Variants in CLYBL observed in about 807,000 individuals in gnomAD.
CLYBL encodes the protein citramalyl-CoA lyase, mitochondrial.
CLYBL carries 31 observed loss-of-function variants against 38.9 expected under a neutral mutation model. That is an observed-to-expected ratio of 0.80 (90% CI 0.60 to 1.08). The LOEUF is 1.08. CLYBL is among the 50% of genes least tolerant of loss of function. The pLI is 0.00. For synonymous variants in CLYBL, 171 were observed against 158.6 expected (o/e 1.08, Z -0.59); for missense variants, 434 against 411.6 (o/e 1.05, Z -0.47).
At chr13:99,820,113 G>C (rs919930294) in intron 2 of CLYBL, among the ~76,000 whole-genome samples, 20 of 152,190 alleles carry the variant, frequency 1.3e-4, no homozygotes, top group African/African-American at 4.3e-4. Flanking sequence ...CATCTATGCT[G>C]TGTCTCGCGG....
At chr13:99,706,087 A>G (rs1215893935) in intron 1 of CLYBL, among the ~76,000 whole-genome samples, 1 of 151,996 alleles carries the variant, frequency 6.6e-6, no homozygotes, top group African/African-American at 2.4e-5. Flanking sequence ...TCGTGCCGTC[A>G]TGCCCCGCCA....
Position 99,680,989 on chromosome 13 carries a change from A to G in CLYBL, c.62+74232A>G, listed in dbSNP as rs183938814. On this transcript the variant is annotated intron_variant, in intron 1 of 8. Coordinates refer to ENST00000339105, the MANE Select transcript of CLYBL (RefSeq NM_206808.5). ...AAAAAGATAATTTGAGTTGTCCTAT[A>G]AATTAAAATTTTTCCTTTGTGATTA... is the stretch of plus-strand genomic sequence containing the variant. Among the ~76,000 whole-genome samples, 325 of 152,326 alleles carry G rather than the reference A, an allele frequency of 2.1e-3. 2 individuals carry two copies. The highest frequency in any genetic ancestry group is 7.2e-3 in the African/African-American group (300 of 41,568).
intron 1 of CLYBL, among the ~76,000 whole-genome samples, chr13:99,693,464 C>A (rs1170922815): frequency 1.3e-5 from 2 of 152,164 alleles, no homozygotes; most frequent in African/African-American, 4.8e-5. Flanking sequence ...ATCCATCAAG[C>A]CTTCCAGCTG....
intron 1 of CLYBL, among the ~76,000 whole-genome samples, chr13:99,717,318 C>T (rs989200624): frequency 1.3e-4 from 19 of 148,790 alleles, no homozygotes; most frequent in African/African-American, 3.0e-4. Flanking sequence ...TCCAGCTACT[C>T]GGGAGGCTGA....
At chr13:99,760,991 C>A (rs1245491417) in intron 1 of CLYBL, among the ~76,000 whole-genome samples, 2 of 152,024 alleles carry the variant, frequency 1.3e-5, no homozygotes, top group Non-Finnish European at 2.9e-5. Flanking sequence ...ATATTTATAC[C>A]CATAATCAAC....
intron 2 of CLYBL, among the ~76,000 whole-genome samples, chr13:99,816,826 T>C (rs1244108697): frequency 1.3e-5 from 2 of 152,194 alleles, no homozygotes; most frequent in Admixed American, 6.5e-5. Flanking sequence ...TATTTTGTTA[T>C]AGAAGCCCAC....
At chr13:99,835,594 C>T (rs577498942) in intron 2 of CLYBL, among the ~76,000 whole-genome samples, 2 of 152,230 alleles carry the variant, frequency 1.3e-5, no homozygotes, top group South Asian at 4.1e-4. Flanking sequence ...AGAATGGTTG[C>T]TGTGAGCCAT....
At position 99,865,080 on chromosome 13, in the gene CLYBL, G is replaced by C; in HGVS notation, c.634+169G>C. The C allele has an allele frequency of 1.5e-6, 1 of 667,232 alleles. No individual in the cohort carries two copies. The highest frequency in any genetic ancestry group is 2.8e-6 in the Non-Finnish European group (1 of 355,478). 41.3% of individuals were successfully genotyped at this position (667,232 alleles called of 1,614,324 possible). ...ATGGACACTACTTCCTGATAATTTA[G>C]GGCTCCTCATAGCTGCCCTGCTTCT... is the stretch of plus-strand genomic sequence containing the variant. On this transcript the variant is annotated intron_variant, in intron 5 of 8. Coordinates refer to ENST00000339105, the MANE Select transcript of CLYBL (RefSeq NM_206808.5). This position sits in a 1 kb window ranked among gnomAD's most constrained non-coding sequence, Gnocchi z 4.7.
chr13:99,717,436 G>GAAAAAAA (rs1172721313), intron 1 of CLYBL, among the ~76,000 whole-genome samples: 2 of 91,080 alleles, frequency 2.2e-5, no homozygotes, highest in Non-Finnish European at 2.1e-5. Context: ...AAAAAAATTA[G>GAAAAAAA]AAAAAAAAAA....
chr13:99,891,600 C>T (rs2152132596), intron 8 of CLYBL, 163 bp downstream of exon 8: 1 of 533,410 alleles, frequency 1.9e-6, no homozygotes, highest in Non-Finnish European at 3.3e-6. Context: ...AAAATGAACG[C>T]TTTTCCCTTT....
intron 1 of CLYBL, among the ~76,000 whole-genome samples, chr13:99,671,673 G>T (rs2047566450): frequency 6.6e-6 from 1 of 151,788 alleles, no homozygotes; most frequent in African/African-American, 2.4e-5. Context: ...CCAGCTACTC[G>T]GGAGACTGAG....
chr13:99,797,475 G>A (rs1292303108), intron 2 of CLYBL, among the ~76,000 whole-genome samples: 1 of 151,684 alleles, frequency 6.6e-6, no homozygotes, highest in Non-Finnish European at 1.5e-5. Flanking sequence ...TTTATTGCCT[G>A]TTTGTTGTTT....
chr13:99,864,712 CA>C (rs1354026855), intron 4 of CLYBL, 105 bp from the exon 5 acceptor site: 2 of 754,650 alleles, frequency 2.7e-6, no homozygotes, highest in East Asian at 4.9e-5. Flanking sequence ...TGCTTTCAGC[CA>C]AACTGTGTTA....
chr13:99,900,327 C>T (rs1464540519), downstream of CLYBL, among the ~76,000 whole-genome samples: 1 of 152,088 alleles, frequency 6.6e-6, no homozygotes, highest in Admixed American at 6.5e-5. Flanking sequence ...CCCACAGCCA[C>T]GTGCATTTTG....
chr13:99,839,674 T>A (rs572407353), intron 2 of CLYBL, among the ~76,000 whole-genome samples: 31 of 152,004 alleles, frequency 2.0e-4, no homozygotes, highest in Middle Eastern at 6.8e-3. Flanking sequence ...TTTTAAAAGA[T>A]TAATCTTTTA....
chr13:99,640,836 G>T (rs2047082371), intron 1 of CLYBL, among the ~76,000 whole-genome samples: 1 of 152,180 alleles, frequency 6.6e-6, no homozygotes. Flanking sequence ...CATGTACCCA[G>T]ATATAGACCT....
chr13:99,808,128 C>T (rs978942765), intron 2 of CLYBL, among the ~76,000 whole-genome samples: 1 of 152,156 alleles, frequency 6.6e-6, no homozygotes, highest in African/African-American at 2.4e-5. Context: ...CTCTGTCACC[C>T]AGGCTTGAGT....
At chr13:99,611,715 A>G (rs2046629499) in intron 1 of CLYBL, among the ~76,000 whole-genome samples, 1 of 152,210 alleles carries the variant, frequency 6.6e-6, no homozygotes, top group African/African-American at 2.4e-5. Flanking sequence ...TTTGCCTGTA[A>G]ATGTTTGCAC....
chr13:99,862,901 G>C (rs889098970), intron 3 of CLYBL, 90 bp from the exon 4 acceptor site: 1 of 445,834 alleles, frequency 2.2e-6, no homozygotes, highest in African/African-American at 2.4e-5. Context: ...TACTTCCTCA[G>C]GTCAAAGACT....
Sources: gnomAD v4.1 joint callset for allele counts (sites outside exome capture counted in the v4.1 genomes callset) on GRCh38, gnomAD v4.1.1 for gene constraint, Gnocchi (gnomAD v3.1) non-coding constraint, MANE v1.5 for transcripts, NCBI Gene and HGNC (gene_info 2026-07-23, HGNC 2026-07-21) for gene names.